UIMC1: variants seen among roughly 807,000 people sequenced by gnomAD.
UIMC1 encodes the protein BRCA1-A complex subunit RAP80.
UIMC1 carries 42 observed loss-of-function variants against 84.9 expected under a neutral mutation model. The observed-to-expected ratio is 0.49, with a 90% CI of 0.39 to 0.64. The LOEUF (loss-of-function observed/expected upper bound fraction) is 0.64, where lower values mean the gene tolerates loss of function less well. Ranked by LOEUF, UIMC1 falls within the 30% of genes least tolerant of loss-of-function variation. The probability of loss-of-function intolerance (pLI) is 0.00; values close to 1 mark genes in which losing one functional copy is unlikely to be tolerated. For synonymous variants in UIMC1, 281 were observed against 293.0 expected (o/e 0.96, Z 0.42); for missense variants, 825 against 847.6 (o/e 0.97, Z 0.33).
chr5:176,955,631 G>A (rs566002083), intron 8 of UIMC1, among the ~76,000 whole-genome samples: 63 of 152,166 alleles, frequency 4.1e-4, no homozygotes, highest in Non-Finnish European at 7.2e-4. Flanking sequence ...AATAACAAAA[G>A]GCTCTGAATG....
At chr5:176,927,710 T>C (rs1307443850) in intron 10 of UIMC1, among the ~76,000 whole-genome samples, 1 of 152,070 alleles carries the variant, frequency 6.6e-6, no homozygotes, top group Admixed American at 6.5e-5. Flanking sequence ...AGAACCCTAG[T>C]TAACTACAGA....
chr5:176,926,392 G>GCTC (rs1762389304), intron 10 of UIMC1, among the ~76,000 whole-genome samples: 2 of 152,052 alleles, frequency 1.3e-5, no homozygotes, highest in African/African-American at 2.4e-5. Context: ...CCAGCACTTG[G>GCTC]GGAGGCCAAG....
Position 176,958,484 on chromosome 5 carries a change from A to G in UIMC1, c.1201-330T>C, listed in dbSNP as rs1339308842. The stretch of plus-strand genomic sequence containing the variant: ...GATAATGTACACAATGCACTTCATA[A>G]CATGCAAGACCTGTATCAATATTAA... On this transcript the variant is annotated intron_variant, in intron 6 of 14. Transcript: ENST00000511320. 2.0e-5 allele frequency among the ~76,000 whole-genome samples: 3 copies of G among 152,250 alleles called. No homozygotes were observed. The East Asian group carries it at 5.8e-4, about 29-fold the overall frequency.
At position 176,970,882 on chromosome 5, in the gene UIMC1, GA is replaced by G; in HGVS notation, c.233-17del. ...TCTGTCATCTCTGTAAGAGGATAGGGAAAAGAGAAGGAGGAACACCACAAAC... is the reference window on the plus strand; with the variant it reads ...TCTGTCATCTCTGTAAGAGGATAGGGAAAGAGAAGGAGGAACACCACAAAC... On this transcript the variant is annotated splice_polypyrimidine_tract_variant and intron_variant, in intron 3 of 14. Transcript: ENST00000511320. 6.2e-7 allele frequency: 1 copy of G among 1,612,020 alleles called. No individual in the cohort carries two copies.
intron 10 of UIMC1, among the ~76,000 whole-genome samples, chr5:176,917,876 T>G (rs1185598963): frequency 6.6e-6 from 1 of 152,158 alleles, no homozygotes; most frequent in Non-Finnish European, 1.5e-5. Context: ...GGAGAATTGC[T>G]TGAACCTGGA....
chr5:176,967,709 C>G (rs538607609), intron 6 of UIMC1, among the ~76,000 whole-genome samples: 1 of 151,894 alleles, frequency 6.6e-6, no homozygotes, highest in South Asian at 2.1e-4. Flanking sequence ...TCGAGACCAG[C>G]CTGGGCAACA....
Position 176,972,941 on chromosome 5 carries a change from C to T in UIMC1, c.233-2075G>A, listed in dbSNP as rs1164113688. Among the ~76,000 whole-genome samples, 48 of 142,096 alleles carry T rather than the reference C, an allele frequency of 3.4e-4. 1 individual carries two copies. The highest frequency in any genetic ancestry group is 1.2e-3 in the African/African-American group (45 of 38,224). The allele number at this position is 142,096 out of a possible 152,430, so 93.2% of individuals were successfully genotyped here. On this transcript the variant is annotated intron_variant, in intron 3 of 14. Transcript: ENST00000511320. ...TTCTTTTTTTTTTTTTTTGAAATGG[C>T]GTCTCTCTCTGTTGCCCAGGCTGGA...
intron 8 of UIMC1, among the ~76,000 whole-genome samples, chr5:176,951,886 C>A (rs181222464): frequency 6.6e-6 from 1 of 152,304 alleles, no homozygotes; most frequent in East Asian, 1.9e-4. Flanking sequence ...CCAAAAAGTT[C>A]TCTGTACCCC....
chr5:176,941,688 T>C (rs966706758), intron 10 of UIMC1, among the ~76,000 whole-genome samples: 2 of 152,216 alleles, frequency 1.3e-5, no homozygotes, highest in African/African-American at 4.8e-5. Flanking sequence ...AGGTTTACAT[T>C]CAGCATGTTA....
chr5:176,994,909 G>A (rs903715071), intron 1 of UIMC1, among the ~76,000 whole-genome samples: 8 of 150,968 alleles, frequency 5.3e-5, no homozygotes, highest in African/African-American at 2.5e-5. Context: ...TGTAGAAATA[G>A]TTATGAGAAA....
exon 1 of UIMC1, chr5:177,022,574 G>A (rs570371572): frequency 5.0e-5 from 33 of 666,644 alleles, no homozygotes; most frequent in Middle Eastern, 8.7e-4. Flanking sequence ...CACGCTCTGA[G>A]GTACCAGAGG....
intron 1 of UIMC1, among the ~76,000 whole-genome samples, chr5:176,987,780 C>G (rs1772244419): frequency 6.6e-6 from 1 of 151,252 alleles, no homozygotes; most frequent in Non-Finnish European, 1.5e-5. Context: ...ACTGTGATCA[C>G]ACCACTGCAC....
At chr5:176,906,291 A>G in intron 13 of UIMC1, 1 of 452,670 alleles carries the variant, frequency 2.2e-6, no homozygotes, top group Admixed American at 3.9e-5. Context: ...TCAATTCTGG[A>G]CTTGAGGAAC....
At chr5:176,952,249 A>ACC (rs1765980663) in intron 8 of UIMC1, among the ~76,000 whole-genome samples, 1 of 152,256 alleles carries the variant, frequency 6.6e-6, no homozygotes, top group African/African-American at 2.4e-5. Context: ...TAAAGAGATG[A>ACC]TTAGCAAAAA....
chr5:177,016,091 G>T (rs1407864663), intron 1 of UIMC1, among the ~76,000 whole-genome samples: 2 of 151,750 alleles, frequency 1.3e-5, no homozygotes, highest in Non-Finnish European at 2.9e-5. Flanking sequence ...GAGGCAGGAC[G>T]CGGTGGCTCA....
intron 7 of UIMC1, 140 bp from the exon 8 acceptor site, chr5:176,956,175 G>T: frequency 1.5e-6 from 1 of 674,482 alleles, no homozygotes; most frequent in Non-Finnish European, 2.5e-6. Flanking sequence ...CAATAGGAAA[G>T]CAAGGAATCA....
intron 10 of UIMC1, among the ~76,000 whole-genome samples, chr5:176,913,064 T>C (rs1305424549): frequency 6.6e-6 from 1 of 152,256 alleles, no homozygotes; most frequent in African/African-American, 2.4e-5. Context: ...CTGGGGACTA[T>C]ATGAATACAT....
chr5:176,959,223 G>A (rs1472207112), intron 6 of UIMC1, among the ~76,000 whole-genome samples: 2 of 152,178 alleles, frequency 1.3e-5, no homozygotes, highest in African/African-American at 2.4e-5. Flanking sequence ...GAACTCAGGG[G>A]TGACAAGGTT....
At chr5:176,976,210 G>A (rs1770040182) in intron 2 of UIMC1, among the ~76,000 whole-genome samples, 1 of 152,066 alleles carries the variant, frequency 6.6e-6, no homozygotes, top group African/African-American at 2.4e-5. Context: ...AGCTACTCAG[G>A]AGGCTGGAGC....
Sources: gnomAD v4.1 joint callset for allele counts (sites outside exome capture counted in the v4.1 genomes callset) on GRCh38, gnomAD v4.1.1 for gene constraint, MANE v1.5 for transcripts, NCBI Gene and HGNC (gene_info 2026-07-23, HGNC 2026-07-21) for gene names.